SLC7A8: variants seen among roughly 807,000 people sequenced by gnomAD.
SLC7A8 encodes the protein solute carrier family 7 member 8.
Under a neutral mutation model 51.2 loss-of-function variants are expected in SLC7A8, and 30 were observed. The ratio of observed to expected loss-of-function variants is 0.59; its 90% CI spans 0.44 to 0.80. The LOEUF (loss-of-function observed/expected upper bound fraction) is 0.80. Among genes scored for constraint, SLC7A8 ranks in the 30% least tolerant of loss-of-function variants. The pLI, the probability that SLC7A8 is intolerant of heterozygous loss-of-function variation, is 0.00. For synonymous variants in SLC7A8, 257 were observed against 275.8 expected (o/e 0.93, Z 0.67); for missense variants, 612 against 674.4 (o/e 0.91, Z 1.03).
intron 3 of SLC7A8, among the ~76,000 whole-genome samples, chr14:23,164,909 T>C (rs1190114359): frequency 6.6e-6 from 1 of 152,028 alleles, no homozygotes; most frequent in African/African-American, 2.4e-5. Flanking sequence ...GGAGAATCAC[T>C]TGAATCTGGG....
At chr14:23,172,748 T>C (rs1407781528) in intron 1 of SLC7A8, among the ~76,000 whole-genome samples, 1 of 152,186 alleles carries the variant, frequency 6.6e-6, no homozygotes, top group Non-Finnish European at 1.5e-5. Flanking sequence ...GCACCTCGTG[T>C]GCAGAGGCCA....
At chr14:23,182,646 T>A (rs1345562510) in intron 1 of SLC7A8, 118 bp downstream of exon 1, 1 of 1,175,276 alleles carries the variant, frequency 8.5e-7, no homozygotes, top group Non-Finnish European at 1.2e-6. Flanking sequence ...ACAGCTCAGG[T>A]GACTGACAAT....
chr14:23,151,548 G>C (rs1408149568), intron 3 of SLC7A8, among the ~76,000 whole-genome samples: 1 of 152,040 alleles, frequency 6.6e-6, no homozygotes, highest in Non-Finnish European at 1.5e-5. Context: ...ATTGAGGCCA[G>C]AAGTTCGAGG....
Position 23,128,445 on chromosome 14 carries a change from T to C in SLC7A8, c.1264-249A>G. ...GAGTTAGGGAGGAAACGATCCTCCTTGCCCATGTCCTCGCTCTTGGGTGTG... is the reference window on the plus strand; with the variant it reads ...GAGTTAGGGAGGAAACGATCCTCCTCGCCCATGTCCTCGCTCTTGGGTGTG... On this transcript the variant is annotated intron_variant, in intron 9 of 10. Coordinates refer to ENST00000316902, the MANE Select transcript of SLC7A8 (RefSeq NM_012244.4). This position sits in a 1 kb window ranked among gnomAD's most constrained non-coding sequence, Gnocchi z 4.3. 3 of 1,320,186 alleles carry C rather than the reference T, an allele frequency of 2.3e-6. No homozygotes were observed. In the South Asian group the frequency reaches 3.8e-5, roughly 17 times the overall value. 81.8% of individuals were successfully genotyped at this position (1,320,186 alleles called of 1,614,324 possible).
chr14:23,164,416 C>T (rs971327982), intron 3 of SLC7A8, among the ~76,000 whole-genome samples: 5 of 152,216 alleles, frequency 3.3e-5, no homozygotes, highest in Non-Finnish European at 5.9e-5. Flanking sequence ...CGTGGCCTGC[C>T]TCCCTGGGCA....
chr14:23,132,109 A>G (rs2048641814), intron 7 of SLC7A8, among the ~76,000 whole-genome samples: 2 of 148,996 alleles, frequency 1.3e-5, no homozygotes, highest in African/African-American at 2.5e-5. Flanking sequence ...GGTTTAAGCA[A>G]TTCTCTGCCT....
intron 3 of SLC7A8, among the ~76,000 whole-genome samples, chr14:23,161,268 T>A (rs1477630220): frequency 6.6e-6 from 1 of 151,692 alleles, no homozygotes; most frequent in Non-Finnish European, 1.5e-5. Context: ...CTTGGCCTCA[T>A]CTCCTCCCTC....
chr14:23,161,443 G>A (rs940020240), intron 3 of SLC7A8, among the ~76,000 whole-genome samples: 1 of 151,940 alleles, frequency 6.6e-6, no homozygotes, highest in Non-Finnish European at 1.5e-5. Flanking sequence ...CCACAGGACA[G>A]CAGGAAGCAG....
Position 23,128,295 on chromosome 14 carries a change from C to T in SLC7A8, c.1264-99G>A. ...TCTCTCTTCTTCACCCACAGAGACA[C>T]ATCCTCAAGGGCAAAGGCTGGGCTT... On this transcript the variant is annotated intron_variant, in intron 9 of 10. Coordinates refer to ENST00000316902, the MANE Select transcript of SLC7A8 (RefSeq NM_012244.4). The surrounding 1 kb of genome is among the most constrained non-coding windows in gnomAD (Gnocchi z 4.3). 12 of 1,562,956 alleles carry T rather than the reference C, an allele frequency of 7.7e-6. No homozygotes were observed. Among genetic ancestry groups the T allele is most frequent in the Non-Finnish European group, 1.0e-5 (12 of 1,155,360 alleles).
chr14:23,127,112 G>C lies in SLC7A8; in HGVS notation c.*65C>G. On this transcript the variant is annotated 3_prime_UTR_variant, in exon 11 of 11. Transcript: ENST00000316902. ...GTGTGTGTACTCGCATGTGTTGGCA[G>C]GACCAAGGCAGGGAGGTAGGATAAA... 5.0e-6 allele frequency: 8 copies of C among 1,593,682 alleles called. No homozygotes were observed. Among genetic ancestry groups the C allele is most frequent in the Non-Finnish European group, 6.9e-6 (8 of 1,165,000 alleles).
intron 3 of SLC7A8, among the ~76,000 whole-genome samples, chr14:23,158,093 T>C (rs1201884690): frequency 3.3e-5 from 5 of 152,206 alleles, no homozygotes; most frequent in Non-Finnish European, 1.5e-5. Context: ...TGCTGCTGCT[T>C]CACATGAGAA....
intron 1 of SLC7A8, among the ~76,000 whole-genome samples, chr14:23,177,243 A>C (rs992627796): frequency 2.0e-5 from 3 of 152,266 alleles, no homozygotes; most frequent in African/African-American, 7.2e-5. Context: ...CTCCATATGT[A>C]GTGAAACGTA....
chr14:23,128,454 C>A lies in SLC7A8; in HGVS notation c.1264-258G>T, dbSNP rs997643675. The stretch of plus-strand genomic sequence containing the variant: ...AGGAAACGATCCTCCTTGCCCATGT[C>A]CTCGCTCTTGGGTGTGGTTAGACAA... On this transcript the variant is annotated intron_variant, in intron 9 of 10. Transcript: ENST00000316902. This position sits in a 1 kb window ranked among gnomAD's most constrained non-coding sequence, Gnocchi z 4.3. 112 of 1,254,216 alleles carry A rather than the reference C, an allele frequency of 8.9e-5. No individual in the cohort carries two copies. Among genetic ancestry groups the A allele is most frequent in the Non-Finnish European group, 1.1e-4 (99 of 914,346 alleles). The allele number at this position is 1,254,216 out of a possible 1,614,324, so 77.7% of individuals were successfully genotyped here.
At chr14:23,175,426 C>G (rs999230588) in intron 1 of SLC7A8, among the ~76,000 whole-genome samples, 4 of 152,166 alleles carry the variant, frequency 2.6e-5, no homozygotes, top group Non-Finnish European at 5.9e-5. Flanking sequence ...CCAGGCTGGT[C>G]CCGAGCTCCT....
At position 23,183,048 on chromosome 14, in the gene SLC7A8, G is replaced by C. The variant is rs1877256188; in HGVS notation, c.-134C>G. 1 of 965,402 alleles carries C rather than the reference G, an allele frequency of 1.0e-6. No individual in the cohort carries two copies. Among genetic ancestry groups the C allele is most frequent in the African/African-American group, 1.7e-5 (1 of 57,516 alleles). 59.8% of individuals were successfully genotyped at this position (965,402 alleles called of 1,614,324 possible). A position where few individuals can be genotyped will look rare whatever the true frequency, so the allele number is the denominator to read the frequency against. On this transcript the variant is annotated 5_prime_UTR_variant, in exon 1 of 11. Transcript: ENST00000316902. The stretch of plus-strand genomic sequence containing the variant: ...GAACCACTGCTACTCTCTAAAAAAG[G>C]CAAGCAGATAAAAGAGAACACGAAA...
intron 1 of SLC7A8, among the ~76,000 whole-genome samples, chr14:23,179,632 A>T (rs1165899500): frequency 6.6e-6 from 1 of 151,790 alleles, no homozygotes; most frequent in Non-Finnish European, 1.5e-5. Context: ...ATACAGTGAG[A>T]CCCTGTTTCT....
At chr14:23,178,093 A>G (rs1440544635) in intron 1 of SLC7A8, among the ~76,000 whole-genome samples, 2 of 152,174 alleles carry the variant, frequency 1.3e-5, no homozygotes, top group African/African-American at 2.4e-5. Flanking sequence ...TTTATTTCCT[A>G]TCTGGAGGAA....
chr14:23,157,588 GCTATA>G (rs1456231633), intron 3 of SLC7A8, among the ~76,000 whole-genome samples: 2 of 152,132 alleles, frequency 1.3e-5, no homozygotes, highest in Admixed American at 6.5e-5. Flanking sequence ...CTATGGTGTG[GCTATA>G]CTGAACAACC....
rs1335737333 is a variant in SLC7A8 at position 23,151,244 on chromosome 14, C to T, written c.509-8040G>A. On this transcript the variant is annotated intron_variant, in intron 3 of 10. Transcript: ENST00000316902. Reference sequence around the variant, plus strand: ...GAGGTCCTGTCTGGCACACAGTAGGCGCTAAAGCTTACTGAATGGAAACGA... The same window carrying T: ...GAGGTCCTGTCTGGCACACAGTAGGTGCTAAAGCTTACTGAATGGAAACGA... Among the ~76,000 whole-genome samples, 5 of 152,120 alleles carry T rather than the reference C, an allele frequency of 3.3e-5. No individual in the cohort carries two copies. The East Asian group carries it at 5.8e-4, about 18-fold the overall frequency.
Sources: allele counts gnomAD v4.1 joint callset (sites outside exome capture counted in the v4.1 genomes callset), GRCh38; gene constraint gnomAD v4.1.1; non-coding constraint Gnocchi (gnomAD v3.1); transcripts MANE v1.5; gene names NCBI Gene and HGNC (gene_info 2026-07-23, HGNC 2026-07-21).